Variants in NIN observed in about 807,000 individuals in gnomAD.
NIN encodes the protein ninein.
A neutral mutation model predicts 257.6 loss-of-function variants in NIN; 137 were observed. That is an observed-to-expected ratio of 0.53 (90% CI 0.46 to 0.61). NIN has a LOEUF of 0.61. Ranked by LOEUF, NIN falls within the 20% of genes least tolerant of loss-of-function variation. The pLI is 0.00. For synonymous variants in NIN, 918 were observed against 919.8 expected (o/e 1.00, Z 0.04); for missense variants, 2,439 against 2,501.2 (o/e 0.98, Z 0.53).
At position 50,737,633 on chromosome 14, in the gene NIN, GT is replaced by G. The variant is rs1297035320; in HGVS notation, c.5775+506del. ...CCTTCTTTAAGAAGCTTAAATTGTG[GT>G]TTTTTGTTGTTGTTTTTTTTTTTTT... On this transcript the variant is annotated intron_variant, in intron 27 of 30. Coordinates refer to ENST00000530997, the MANE Select transcript of NIN (RefSeq NM_020921.4). Among the ~76,000 whole-genome samples, 4 of 141,688 alleles carry G rather than the reference GT, an allele frequency of 2.8e-5. No individual in the cohort carries two copies. The East Asian group carries it at 8.0e-4, about 28-fold the overall frequency. 93.0% of individuals were successfully genotyped at this position (141,688 alleles called of 152,430 possible). A position where few individuals can be genotyped will look rare whatever the true frequency, so the allele number is the denominator to read the frequency against.
At position 50,757,673 on chromosome 14, in the gene NIN, AG is replaced by A. The variant is rs2042093745; in HGVS notation, c.3356del (p.Thr1119MetfsTer17). ...DEPATEFFGN[T>X]AEQTEQFLQQ... ...GTAAAAACTGCTCTGTTTGTTCCGC[AG>A]TATTTCCAAAAAACTCAGTAGCTGG... is the stretch of plus-strand genomic sequence containing the variant. On this transcript the variant is annotated frameshift_variant, in exon 18 of 31. Coordinates refer to ENST00000530997, the MANE Select transcript of NIN (RefSeq NM_020921.4). LOFTEE classifies it high-confidence loss of function. 5 of 1,614,192 alleles carry A rather than the reference AG, an allele frequency of 3.1e-6. No homozygotes were observed. The highest frequency in any genetic ancestry group is 4.2e-6 in the Non-Finnish European group (5 of 1,180,038).
In NIN at chr14:50,743,458, C is replaced by T; in HGVS notation, c.5259G>A (p.Gln1753=). ...CCAGCTGTGACTTTAAGCTCGCACT[C>T]TGATGTTCCCAGGATTTCTGTTCCT... The part of the protein sequence containing the change: ...MKQEQKSWEH[Q]SASLKSQLVA... The change falls in exon 24 of 31, where the codon CAG becomes CAA. Residue 1753 remains glutamine (Q), a synonymous_variant. Coordinates refer to ENST00000530997, the MANE Select transcript of NIN (RefSeq NM_020921.4). 6.2e-7 allele frequency: 1 copy of T among 1,613,896 alleles called. No homozygotes were observed. Among genetic ancestry groups the T allele is most frequent in the Non-Finnish European group, 8.5e-7 (1 of 1,179,782 alleles).
chr14:50,808,831 T>C (rs1444938349), intron 3 of NIN, among the ~76,000 whole-genome samples: 1 of 152,224 alleles, frequency 6.6e-6, no homozygotes, highest in Non-Finnish European at 1.5e-5. Flanking sequence ...GTATCAAGAA[T>C]GTCCTGGGAC....
intron 26 of NIN, 87 bp from the exon 27 acceptor site, chr14:50,738,373 G>T (rs1396499648): frequency 1.8e-6 from 2 of 1,131,134 alleles, no homozygotes; most frequent in African/African-American, 1.6e-5. Flanking sequence ...TTTTAATTCA[G>T]TACTTGGGTC....
intron 15 of NIN, among the ~76,000 whole-genome samples, chr14:50,763,391 A>G (rs966845785): frequency 6.6e-6 from 1 of 152,226 alleles, no homozygotes; most frequent in Non-Finnish European, 1.5e-5. Context: ...CACAGCCCGT[A>G]TAAGAAAACC....
At chr14:50,828,712 A>G (rs1208941662) in intron 2 of NIN, among the ~76,000 whole-genome samples, 1 of 152,252 alleles carries the variant, frequency 6.6e-6, no homozygotes, top group Non-Finnish European at 1.5e-5. Context: ...TTGAAATGTT[A>G]GTTTAGAAAG....
In NIN at chr14:50,758,467, TCTC is replaced by T. The variant is rs1349466736; in HGVS notation, c.2560_2562del (p.Glu854del). On this transcript the variant is annotated inframe_deletion, in exon 18 of 31. Coordinates refer to ENST00000530997, the MANE Select transcript of NIN (RefSeq NM_020921.4). Reference sequence around the variant, plus strand: ...TCCTTCTCAAATTCCCACTGGGATTTCTCCTCACGCTGCTGTTCCTGGAGGTCC... The same window carrying T: ...TCCTTCTCAAATTCCCACTGGGATTTCTCACGCTGCTGTTCCTGGAGGTCC... 6.2e-7 allele frequency: 1 copy of T among 1,614,102 alleles called. No individual in the cohort carries two copies. Among genetic ancestry groups the T allele is most frequent in the Non-Finnish European group, 8.5e-7 (1 of 1,180,026 alleles).
intron 28 of NIN, among the ~76,000 whole-genome samples, chr14:50,731,268 G>A (rs552009367): frequency 6.6e-6 from 1 of 152,226 alleles, no homozygotes; most frequent in East Asian, 1.9e-4. Context: ...AGTGGCTCAT[G>A]CCTGTAATCC....
chr14:50,733,644 GT>G (rs966381731), intron 28 of NIN, among the ~76,000 whole-genome samples: 48 of 152,278 alleles, frequency 3.2e-4, no homozygotes, highest in African/African-American at 1.2e-3. Context: ...AGAAGAACTG[GT>G]CTCTTGGCAG....
chr14:50,720,805 T>C lies in NIN; in HGVS notation c.*2658A>G, dbSNP rs1205588949. The C allele has an allele frequency of 5.0e-6, 1 of 201,450 alleles. No individual in the cohort carries two copies. Among genetic ancestry groups the C allele is most frequent in the Non-Finnish European group, 1.0e-5 (1 of 97,938 alleles). 12.5% of individuals were successfully genotyped at this position (201,450 alleles called of 1,614,324 possible). A position where few individuals can be genotyped will look rare whatever the true frequency, so the allele number is the denominator to read the frequency against. On this transcript the variant is annotated 3_prime_UTR_variant, in exon 31 of 31. Transcript: ENST00000530997. The stretch of plus-strand genomic sequence containing the variant: ...TTTACTATCCACATTTTCCTTTTCT[T>C]AGTGTAACGTATTATCTCAAAGGCA...
chr14:50,749,985 A>T (rs2041719258), intron 21 of NIN, among the ~76,000 whole-genome samples: 1 of 152,098 alleles, frequency 6.6e-6, no homozygotes, highest in African/African-American at 2.4e-5. Context: ...GAGCCACTAT[A>T]CCTGGCTGGT....
chr14:50,729,414 T>A, intron 29 of NIN, 109 bp downstream of exon 29: 3 of 1,024,828 alleles, frequency 2.9e-6, no homozygotes, highest in Middle Eastern at 3.1e-4. Flanking sequence ...GGACTACAGG[T>A]GTGTGCCATT....
At chr14:50,767,685 CGG>C (rs1566826218) in intron 12 of NIN, among the ~76,000 whole-genome samples, 1 of 151,788 alleles carries the variant, frequency 6.6e-6, no homozygotes, top group East Asian at 1.9e-4. Context: ...GGTGTGGTGG[CGG>C]GCGCCTGTAG....
At chr14:50,829,139 A>G (rs1054321066) in intron 2 of NIN, among the ~76,000 whole-genome samples, 9 of 152,238 alleles carry the variant, frequency 5.9e-5, no homozygotes, top group African/African-American at 2.2e-4. Context: ...CAAATCTGCA[A>G]ACAAATTCCC....
chr14:50,791,988 A>T (rs766115948), intron 5 of NIN: 3 of 152,240 alleles, frequency 2.0e-5, no homozygotes, highest in Non-Finnish European at 2.9e-5. Flanking sequence ...TGGCATTTTC[A>T]ATCATGTTCT....
intron 3 of NIN, among the ~76,000 whole-genome samples, chr14:50,809,469 G>T (rs1595913452): frequency 6.6e-6 from 1 of 152,094 alleles, no homozygotes; most frequent in African/African-American, 2.4e-5. Context: ...TGAATGAAAC[G>T]TAAGTCTCTC....
intron 5 of NIN, among the ~76,000 whole-genome samples, chr14:50,781,853 ATTTAT>A (rs2043147363): frequency 6.6e-6 from 1 of 152,238 alleles, no homozygotes; most frequent in African/African-American, 2.4e-5. Flanking sequence ...TACATGTGGA[ATTTAT>A]TTTAATTTCC....
chr14:50,758,686 C>G, intron 17 of NIN, 56 bp from the exon 18 acceptor site: 2 of 1,487,294 alleles, frequency 1.3e-6, no homozygotes, highest in Non-Finnish European at 1.8e-6. Context: ...CAGAAGCAAA[C>G]AAAAACCATT....
chr14:50,792,421 A>G, intron 5 of NIN: 1 of 357,112 alleles, frequency 2.8e-6, no homozygotes. Context: ...GAGATATTCA[A>G]GAACTAGAAG....
Sources: gnomAD v4.1 joint callset for allele counts (sites outside exome capture counted in the v4.1 genomes callset) on GRCh38, gnomAD v4.1.1 for gene constraint, MANE v1.5 for transcripts, NCBI Gene and HGNC (gene_info 2026-07-23, HGNC 2026-07-21) for gene names.